Variants in RADIL observed in about 807,000 individuals in gnomAD.
RADIL encodes the protein ras-associating and dilute domain-containing protein.
A neutral mutation model predicts 97.6 loss-of-function variants in RADIL; 99 were observed. That is an observed-to-expected ratio of 1.01 (90% CI 0.86 to 1.20). The LOEUF (loss-of-function observed/expected upper bound fraction) is 1.20, where lower values mean the gene tolerates loss of function less well. RADIL is among the 50% of genes most tolerant of loss of function. The pLI is 0.00. For synonymous variants in RADIL, 803 were observed against 691.8 expected, an observed-to-expected ratio of 1.16 and a Z score of -2.52; for missense variants, 1,765 against 1,498.9, an observed-to-expected ratio of 1.18 and a Z score of -2.93.
intron 2 of RADIL, among the ~76,000 whole-genome samples, chr7:4,869,724 C>G (rs1056731539): frequency 2.0e-5 from 3 of 152,162 alleles, no homozygotes; most frequent in Admixed American, 2.0e-4. Flanking sequence ...CACATAGTTT[C>G]AATCACCATG....
chr7:4,804,710 C>G (rs1474489456), intron 10 of RADIL, among the ~76,000 whole-genome samples: 1 of 151,958 alleles, frequency 6.6e-6, no homozygotes, highest in Non-Finnish European at 1.5e-5. Context: ...TCGCTTGAAC[C>G]CAGGAGGTGG....
rs900054918 is a variant in RADIL at position 4,801,576 on chromosome 7, G to A, written c.2842+77C>T. On this transcript the variant is annotated intron_variant, in intron 12 of 14. Coordinates refer to ENST00000399583, the MANE Select transcript of RADIL (RefSeq NM_018059.5). ...GAAACCTAGGACCCAAGGGGGGAAC[G>A]ATCCCAGGGGACCGGCCATCAGGGT... The A allele has an allele frequency of 6.6e-5, 96 of 1,454,720 alleles. 2 individuals are homozygous for A. The Middle Eastern group carries it at 1.2e-3, about 18-fold the overall frequency. The allele number at this position is 1,454,720 out of a possible 1,614,324, so 90.1% of individuals were successfully genotyped here.
rs1355090150 is a variant in RADIL, at chr7:4,835,308, G to A, written c.784-69C>T. 6 of 1,552,072 alleles carry A rather than the reference G, an allele frequency of 3.9e-6. No individual in the cohort carries two copies. The highest frequency in any genetic ancestry group is 2.7e-5 in the African/African-American group (2 of 73,782). On this transcript the variant is annotated intron_variant, in intron 3 of 14. Coordinates refer to ENST00000399583, the MANE Select transcript of RADIL (RefSeq NM_018059.5). This position sits in a 1 kb window ranked among gnomAD's most constrained non-coding sequence, Gnocchi z 5.8. ...ACACGGGAAAAGCGTCCCGTGTCTA[G>A]TCACTGGTTGCTGAAGCAGCGTGGC...
intron 9 of RADIL, chr7:4,808,680 TGCCCCCGTTCCAAC>T: frequency 1.2e-6 from 1 of 842,252 alleles, no homozygotes; most frequent in African/African-American, 2.0e-5. Flanking sequence ...CCGACGCCAC[TGCCCCCGTTCCAAC>T]GCCACTGCCC....
At chr7:4,857,389 C>T (rs1003951522) in intron 2 of RADIL, among the ~76,000 whole-genome samples, 10 of 152,052 alleles carry the variant, frequency 6.6e-5, no homozygotes, top group African/African-American at 2.4e-4. Flanking sequence ...GGAATCTGAC[C>T]ATCTCTGCCT....
rs1784459158 is a variant in RADIL, at chr7:4,880,355, T to C, written c.-64-2152A>G. Among the ~76,000 whole-genome samples, 1 of 152,118 alleles carries C rather than the reference T, an allele frequency of 6.6e-6. No individual in the cohort carries two copies. The highest frequency in any genetic ancestry group is 1.5e-5 in the Non-Finnish European group (1 of 68,030). ...TCGGTTTCATTTACAACAAAAGCAT[T>C]TTCAGACAGTGCTCACATCACAAAC... On this transcript the variant is annotated intron_variant, in intron 1 of 14. Transcript: ENST00000399583. The surrounding 1 kb of genome is among the most constrained non-coding windows in gnomAD (Gnocchi z 4.5).
intron 9 of RADIL, chr7:4,808,662 G>A (rs1365946689): frequency 1.7e-5 from 16 of 946,106 alleles, no homozygotes; most frequent in Admixed American, 6.3e-5. Flanking sequence ...GCCCCTCCGC[G>A]TCCCCTTCCG....
rs896474318 is a variant in RADIL, at chr7:4,878,867, C to T, written c.-64-664G>A. 6.6e-6 allele frequency among the ~76,000 whole-genome samples: 1 copy of T among 152,338 alleles called. No homozygotes were observed. ...AGCGGGCAGCCCAAGGGCAAAGCTT[C>T]GCCTCTCCGTAAACCTCGTGTCTCC... On this transcript the variant is annotated intron_variant, in intron 1 of 14. Transcript: ENST00000399583. This position sits in a 1 kb window ranked among gnomAD's most constrained non-coding sequence, Gnocchi z 4.1.
intron 12 of RADIL, among the ~76,000 whole-genome samples, 185 bp from the exon 13 acceptor site, chr7:4,800,495 T>G (rs1277627187): frequency 1.3e-5 from 2 of 152,084 alleles, no homozygotes; most frequent in African/African-American, 4.8e-5. Context: ...GGTCCGCCCA[T>G]GGGCGACACC....
At chr7:4,833,356 G>A (rs1783201516) in intron 4 of RADIL, among the ~76,000 whole-genome samples, 2 of 152,194 alleles carry the variant, frequency 1.3e-5, no homozygotes, top group South Asian at 4.1e-4. Flanking sequence ...TGGCCAGCAG[G>A]TAACTCTCGG....
At chr7:4,800,692 A>C (rs1782053949) in intron 12 of RADIL, among the ~76,000 whole-genome samples, 1 of 152,040 alleles carries the variant, frequency 6.6e-6, no homozygotes, top group Non-Finnish European at 1.5e-5. Flanking sequence ...GAGGGTTCCC[A>C]CCGCTGACCA....
chr7:4,881,796 G>A (rs1208744965), intron 1 of RADIL, among the ~76,000 whole-genome samples: 1 of 151,776 alleles, frequency 6.6e-6, no homozygotes, highest in Non-Finnish European at 1.5e-5. Context: ...TTGATATTTG[G>A]GGCCCAGGGG....
At chr7:4,805,246 C>T (rs544386481) in intron 10 of RADIL, 70 of 355,778 alleles carry the variant, frequency 2.0e-4, no homozygotes, top group African/African-American at 1.2e-3. Flanking sequence ...TGCTCCCTTC[C>T]TGGGTAGCCA....
chr7:4,799,705 G>A lies in RADIL; in HGVS notation c.3047C>T (p.Ala1016Val). The A allele has an allele frequency of 6.4e-7, 1 of 1,573,488 alleles. No individual in the cohort carries two copies. The highest frequency in any genetic ancestry group is 1.2e-5 in the South Asian group (1 of 86,442). Reference protein sequence around the residue: ...QTLLPGSPAAADGRLSLGDRI... With the variant: ...QTLLPGSPAAVDGRLSLGDRI... Reference sequence around the variant, plus strand: ...GTCCCCCAGCGACAGGCGCCCGTCGGCCGCTGCGGGGCTGCCCGGGAGCAG... The same window carrying A: ...GTCCCCCAGCGACAGGCGCCCGTCGACCGCTGCGGGGCTGCCCGGGAGCAG... The change falls in exon 14 of 15, where the codon GCC becomes GTC. Residue 1016 changes from alanine to valine, a missense_variant. Ala to Val is a moderately conservative substitution (Grantham distance 64, BLOSUM62 0). Transcript: ENST00000399583.
rs753844385 is a variant in RADIL at position 4,832,184 on chromosome 7, A to G, written c.1417-6T>C. On this transcript the variant is annotated splice_polypyrimidine_tract_variant and splice_region_variant and intron_variant, in intron 4 of 14. Transcript: ENST00000399583. Reference sequence around the variant, plus strand: ...GCTAGTTCTTTGGTTTTCTCCTACAATTACAAAGCGGGAGAAAAAGCAAGT... The same window carrying G: ...GCTAGTTCTTTGGTTTTCTCCTACAGTTACAAAGCGGGAGAAAAAGCAAGT... 4 of 1,611,092 alleles carry G rather than the reference A, an allele frequency of 2.5e-6. No homozygotes were observed. The African/African-American group carries it at 4.0e-5, about 16-fold the overall frequency.
At chr7:4,869,704 C>T (rs544390919) in intron 2 of RADIL, among the ~76,000 whole-genome samples, 1 of 152,142 alleles carries the variant, frequency 6.6e-6, no homozygotes, top group East Asian at 1.9e-4. Context: ...TCTCTTCCTG[C>T]CCCTAAAACC....
Position 4,825,871 on chromosome 7 carries a change from G to C in RADIL, c.1455-3317C>G, listed in dbSNP as rs1415590251. Among the ~76,000 whole-genome samples the C allele has an allele frequency of 2.4e-5, 3 of 123,686 alleles. No homozygotes were observed. The East Asian group carries it at 8.2e-4, about 34-fold the overall frequency. The allele number at this position is 123,686 out of a possible 152,430, so 81.1% of individuals were successfully genotyped here. On this transcript the variant is annotated intron_variant, in intron 5 of 14. Transcript: ENST00000399583. ...TACTCCAGCCTGGGCTACAGAGCGA[G>C]ACTCCGTCTCAGAAAAAAAAAAAAA...
intron 10 of RADIL, chr7:4,804,076 C>T (rs1782210173): frequency 5.2e-6 from 2 of 381,994 alleles, no homozygotes; most frequent in Admixed American, 3.6e-5. Flanking sequence ...CTGATGGTGT[C>T]TCCGGGTAAC....
chr7:4,852,009 A>T (rs1160982908), intron 2 of RADIL, among the ~76,000 whole-genome samples: 1 of 152,220 alleles, frequency 6.6e-6, no homozygotes, highest in African/African-American at 2.4e-5. Flanking sequence ...GTTCAAGAGC[A>T]CTGTCCCTCC....
Sources: gnomAD v4.1 joint callset for allele counts (sites outside exome capture counted in the v4.1 genomes callset) on GRCh38, gnomAD v4.1.1 for gene constraint, Gnocchi (gnomAD v3.1) non-coding constraint, MANE v1.5 for transcripts, NCBI Gene and HGNC (gene_info 2026-07-23, HGNC 2026-07-21) for gene names.